The following TMEM94 variants were observed in gnomAD, a reference collection of about 807,000 sequenced individuals.
TMEM94 encodes the protein ER Mg2+ ATPase.
A neutral mutation model predicts 158.6 loss-of-function variants in TMEM94; 81 were observed. The ratio of observed to expected loss-of-function variants is 0.51; its 90% CI spans 0.43 to 0.61. TMEM94 has a LOEUF of 0.61. Among genes scored for constraint, TMEM94 ranks in the 20% least tolerant of loss-of-function variants. The pLI is 0.00. For synonymous variants in TMEM94, 751 were observed against 730.7 expected, an observed-to-expected ratio of 1.03 and a Z score of -0.45; for missense variants, 1,435 against 1,762.0, an observed-to-expected ratio of 0.81 and a Z score of 3.32.
Position 75,497,694 on chromosome 17 carries a change from C to G in TMEM94, c.3408-87C>G, listed in dbSNP as rs968163888. 2.7e-6 allele frequency: 3 copies of G among 1,092,956 alleles called. No individual in the cohort carries two copies. The East Asian group carries it at 7.2e-5, about 26-fold the overall frequency. The allele number at this position is 1,092,956 out of a possible 1,614,324, so 67.7% of individuals were successfully genotyped here. On this transcript the variant is annotated intron_variant, in intron 26 of 31. Coordinates refer to ENST00000314256, the MANE Select transcript of TMEM94 (RefSeq NM_014738.6). ...TCCCCTCACCAGACTCGACCTCACG[C>G]GCAAGACTCCCTAGAGGTTCCCTCT...
chr17:75,483,981 A>C (rs2051378585), intron 2 of TMEM94, among the ~76,000 whole-genome samples: 1 of 152,124 alleles, frequency 6.6e-6, no homozygotes, highest in Non-Finnish European at 1.5e-5. Context: ...ACGGATGGGG[A>C]AGAACAGTCA....
At chr17:75,488,723 C>T (rs199956339) in intron 6 of TMEM94, 36 bp from the exon 7 acceptor site, 1 of 1,534,522 alleles carries the variant, frequency 6.5e-7, no homozygotes, top group South Asian at 1.1e-5. Context: ...TCTGATAGGA[C>T]CCTCTCGTTC....
In TMEM94 at chr17:75,490,077, C is replaced by CA. The variant is rs10712311; in HGVS notation, c.955-142dup. The CA allele has an allele frequency of 7.6e-3, 6,026 of 791,098 alleles. 3 individuals are homozygous for CA. The highest frequency in any genetic ancestry group is 0.041 in the East Asian group (1,220 of 30,044). The allele number at this position is 791,098 out of a possible 1,614,324, so 49.0% of individuals were successfully genotyped here. A position where few individuals can be genotyped will look rare whatever the true frequency, so the allele number is the denominator to read the frequency against. On this transcript the variant is annotated intron_variant, in intron 9 of 31. Coordinates refer to ENST00000314256, the MANE Select transcript of TMEM94 (RefSeq NM_014738.6). ...CTGGCGACGGAGCAAGACTCCGTCT[C>CA]AAAAAAAAAAAAAAAGAACACCTCT...
intron 26 of TMEM94, 68 bp downstream of exon 26, chr17:75,497,266 C>A (rs2052788504): frequency 7.5e-7 from 1 of 1,332,062 alleles, no homozygotes; most frequent in Admixed American, 1.7e-5. Context: ...CACTGTGCAG[C>A]CCCAGGAGCC....
chr17:75,456,978 A>T (rs1408959058), intron 1 of TMEM94, among the ~76,000 whole-genome samples: 3 of 152,056 alleles, frequency 2.0e-5, no homozygotes, highest in African/African-American at 7.2e-5. Flanking sequence ...TCAGCCCTGG[A>T]TTGGTCCATT....
intron 2 of TMEM94, among the ~76,000 whole-genome samples, chr17:75,473,605 A>G (rs535203592): frequency 5.9e-5 from 9 of 152,326 alleles, no homozygotes; most frequent in Admixed American, 3.9e-4. Context: ...AGAAGACTTG[A>G]GAACCCAGCT....
At chr17:75,460,948 C>G (rs2050044233) in intron 1 of TMEM94, among the ~76,000 whole-genome samples, 1 of 152,118 alleles carries the variant, frequency 6.6e-6, no homozygotes, top group African/African-American at 2.4e-5. Flanking sequence ...AACTGAAACT[C>G]TGTCACCATT....
intron 2 of TMEM94, among the ~76,000 whole-genome samples, chr17:75,475,785 G>A (rs962481179): frequency 2.6e-5 from 4 of 152,210 alleles, no homozygotes; most frequent in East Asian, 1.9e-4. Flanking sequence ...GGGCATCACC[G>A]GCTGCTGGCC....
chr17:75,483,585 A>G (rs1375476175), intron 2 of TMEM94, among the ~76,000 whole-genome samples: 2 of 150,472 alleles, frequency 1.3e-5, no homozygotes, highest in Non-Finnish European at 3.0e-5. Context: ...TCAGCCACCC[A>G]AGCAGCTGGG....
chr17:75,493,879 C>T lies in TMEM94; in HGVS notation c.2370C>T (p.Ile790=), dbSNP rs773581366. ...GCGAGCTGCCCAGCACCATCCCCAT[C>T]AAGCAGAACGCCCGCCGCAGCAGCT... ...TMCELPSTIP[I]KQNARRSSWS... The change falls in exon 18 of 32, where the codon ATC becomes ATT. Residue 790 remains isoleucine (I), a synonymous_variant. Coordinates refer to ENST00000314256, the MANE Select transcript of TMEM94 (RefSeq NM_014738.6). 3.6e-5 allele frequency: 58 copies of T among 1,612,228 alleles called. No homozygotes were observed. The East Asian group carries it at 1.2e-3, about 35-fold the overall frequency.
chr17:75,494,915 G>T lies in TMEM94; in HGVS notation c.2609G>T (p.Gly870Val). Residue 870 changes from glycine to valine, a missense_variant, in exon 20 of 32, where the codon GGC (glycine) becomes GTC (valine). Physicochemically the swap from Gly to Val is moderately radical, Grantham distance 109. Around this residue, in one of 3 missense-constraint regions of TMEM94, gnomAD observed 1,051 missense variants for 1,254.4 expected, o/e 0.84. Transcript: ENST00000314256. ...TCACAGGTGTTTGCAGAAAAAATGG[G>T]CCTGGAGACAGGCTGGAACTGCCAC... ...LKSKVFAEKM[G>V]LETGWNCHIS... The T allele has an allele frequency of 6.2e-7, 1 of 1,613,566 alleles. No individual in the cohort carries two copies. Among genetic ancestry groups the T allele is most frequent in the Non-Finnish European group, 8.5e-7 (1 of 1,180,024 alleles).
rs768548478 is a variant in TMEM94, at chr17:75,493,518, C to T, written c.2114C>T (p.Thr705Ile). 6.2e-7 allele frequency: 1 copy of T among 1,614,008 alleles called. No homozygotes were observed. Among genetic ancestry groups the T allele is most frequent in the South Asian group, 1.1e-5 (1 of 91,082 alleles). The change falls in exon 17 of 32, where the codon ACC (threonine) becomes ATC (isoleucine). Residue 705 changes from threonine (T) to isoleucine (I), a missense_variant. Physicochemically the swap from Thr to Ile is moderately conservative, Grantham distance 89 (BLOSUM62 -1). Coordinates refer to ENST00000314256, the MANE Select transcript of TMEM94 (RefSeq NM_014738.6). ...ACAGAGCAGATGCTGTCCCATGGCA[C>T]CGCTGATGTGGTCTTAGAGGCCTGC... ...TSTEQMLSHG[T>I]ADVVLEACTD...
chr17:75,481,714 A>C (rs1352174422), intron 2 of TMEM94, among the ~76,000 whole-genome samples: 1 of 152,224 alleles, frequency 6.6e-6, no homozygotes, highest in Non-Finnish European at 1.5e-5. Context: ...CGAGGCAGCC[A>C]GGGGTCACCA....
chr17:75,460,247 C>T (rs1482351921), intron 1 of TMEM94, among the ~76,000 whole-genome samples: 2 of 152,074 alleles, frequency 1.3e-5, no homozygotes, highest in African/African-American at 4.8e-5. Context: ...ATTTGAGGAA[C>T]CATAAATTTT....
rs765189013 is a variant in TMEM94, at chr17:75,488,011, G to A, written c.489G>A (p.Trp163Ter). 2 of 1,614,182 alleles carry A rather than the reference G, an allele frequency of 1.2e-6. No homozygotes were observed. Among genetic ancestry groups the A allele is most frequent in the South Asian group, 1.1e-5 (1 of 91,080 alleles). ...TCCACATGCCTTTTGCGCCATCCTG[G>A]TCCTTGCACTGGGCCTACAGAGACG... The part of the protein sequence containing the change: ...PDLHMPFAPS[W>*]SLHWAYRDGH... Residue 163 changes from tryptophan to a stop codon, truncating the protein, a stop_gained, in exon 6 of 32, where the codon TGG (tryptophan) becomes TGA (stop). Coordinates refer to ENST00000314256, the MANE Select transcript of TMEM94 (RefSeq NM_014738.6). LOFTEE classifies it high-confidence loss of function.
chr17:75,489,653 C>G lies in TMEM94; in HGVS notation c.945C>G (p.Leu315=). 6.2e-7 allele frequency: 1 copy of G among 1,613,590 alleles called. No homozygotes were observed. Among genetic ancestry groups the G allele is most frequent in the Non-Finnish European group, 8.5e-7 (1 of 1,179,620 alleles). The change falls in exon 9 of 32, where the codon CTC becomes CTG. Residue 315 remains leucine (L), a synonymous_variant. Transcript: ENST00000314256. This position sits in a 1 kb window ranked among gnomAD's most constrained non-coding sequence, Gnocchi z 5.0. The part of the protein sequence containing the change: ...PGVTSWQYTL[L]QLQVNGVLPI... Reference sequence around the variant, plus strand: ...TCACTTCCTGGCAGTACACCCTCCTCCAGCTCCAGGCAAGGACCACCCTGT... The same window carrying G: ...TCACTTCCTGGCAGTACACCCTCCTGCAGCTCCAGGCAAGGACCACCCTGT...
In TMEM94 at chr17:75,485,976, T is replaced by G. The variant is rs2051562719; in HGVS notation, c.250T>G (p.Cys84Gly). ...GGCCGTGCTGCTGCTGCTGGGCTGC[T>G]GCGGGGGACAGCCAGCCGGGAGGTG... ...LLAVLLLLGC[C>G]GGQPAGSRGV... is the part of the protein sequence containing the mutation. Residue 84 changes from cysteine (C) to glycine (G), a missense_variant, in exon 4 of 32, where the codon TGC becomes GGC. Coordinates refer to ENST00000314256, the MANE Select transcript of TMEM94 (RefSeq NM_014738.6). This position sits in a 1 kb window ranked among gnomAD's most constrained non-coding sequence, Gnocchi z 5.5. 1 of 1,612,096 alleles carries G rather than the reference T, an allele frequency of 6.2e-7. No individual in the cohort carries two copies. Among genetic ancestry groups the G allele is most frequent in the Admixed American group, 1.7e-5 (1 of 59,886 alleles).
rs142698076 is a variant in TMEM94 at position 75,459,967 on chromosome 17, G to C, written c.-107+3216G>C. 6.7e-3 allele frequency among the ~76,000 whole-genome samples: 1,026 copies of C among 152,206 alleles called. 8 individuals carry two copies. Among genetic ancestry groups the C allele is most frequent in the African/African-American group, 0.023 (962 of 41,538 alleles). ...GCTGAAACAGGAATGCTTTTCTTCC[G>C]AGCAGACCCGCCAGCCAGAATGTGT... is the stretch of plus-strand genomic sequence containing the variant. On this transcript the variant is annotated intron_variant, in intron 1 of 31. Coordinates refer to ENST00000314256, the MANE Select transcript of TMEM94 (RefSeq NM_014738.6).
intron 1 of TMEM94, among the ~76,000 whole-genome samples, chr17:75,461,182 C>A (rs2050054739): frequency 7.3e-6 from 1 of 137,576 alleles, no homozygotes; most frequent in Non-Finnish European, 1.5e-5. Flanking sequence ...TTACTGCAAT[C>A]TCCGCCTCCC....
Sources: gnomAD v4.1 joint callset for allele counts (sites outside exome capture counted in the v4.1 genomes callset) on GRCh38, gnomAD v4.1.1 for gene constraint, gnomAD v4.1.1 regional missense constraint, Gnocchi (gnomAD v3.1) non-coding constraint, MANE v1.5 for transcripts, NCBI Gene and HGNC (gene_info 2026-07-23, HGNC 2026-07-21) for gene names.